Variants in INPPL1 observed in about 807,000 individuals in gnomAD.
INPPL1 encodes the protein phosphatidylinositol 3,4,5-trisphosphate 5-phosphatase 2.
In INPPL1, 91 loss-of-function variants were observed where a neutral mutation model predicts 139.3. That is an observed-to-expected ratio of 0.65 (90% CI 0.55 to 0.78). The LOEUF (loss-of-function observed/expected upper bound fraction) is 0.78. INPPL1 is among the 30% of genes least tolerant of loss of function. The pLI is 0.00. For missense variants in INPPL1, 1,411 were observed against 1,665.6 expected, an observed-to-expected ratio of 0.85 and a Z score of 2.66; for synonymous variants, 719 against 686.6, an observed-to-expected ratio of 1.05 and a Z score of -0.74.
intron 5 of INPPL1, 97 bp downstream of exon 5, chr11:72,229,327 A>T (rs1158573316): frequency 1.3e-5 from 18 of 1,428,652 alleles, no homozygotes; most frequent in Non-Finnish European, 1.6e-5. Flanking sequence ...CTGATCCTGA[A>T]CAGTGAACTA....
Position 72,234,223 on chromosome 11 carries a change from C to A in INPPL1, c.2213-58C>A. On this transcript the variant is annotated intron_variant, in intron 19 of 27. Transcript: ENST00000298229. The surrounding 1 kb of genome is among the most constrained non-coding windows in gnomAD (Gnocchi z 4.2). ...CTGTCCCAGGGCCCTGTTTCTCTGT[C>A]CCATTCCTCCTGTGATCCTCTCAGT... 1 of 1,333,492 alleles carries A rather than the reference C, an allele frequency of 7.5e-7. No individual in the cohort carries two copies. Among genetic ancestry groups the A allele is most frequent in the South Asian group, 1.2e-5 (1 of 84,556 alleles). 82.6% of individuals were successfully genotyped at this position (1,333,492 alleles called of 1,614,324 possible).
At chr11:72,233,393 C>A in intron 17 of INPPL1, 48 bp from the exon 18 acceptor site, 1 of 1,540,226 alleles carries the variant, frequency 6.5e-7, no homozygotes, top group South Asian at 1.1e-5. Flanking sequence ...CCATGCCAAG[C>A]AGCCTCCTAG....
In INPPL1 at chr11:72,235,468, G is replaced by C. The variant is rs1591284596; in HGVS notation, c.2659+17G>C. On this transcript the variant is annotated intron_variant, in intron 23 of 27. Coordinates refer to ENST00000298229, the MANE Select transcript of INPPL1 (RefSeq NM_001567.4). This position sits in a 1 kb window ranked among gnomAD's most constrained non-coding sequence, Gnocchi z 4.9. ...GGCTCTACGGTGGGGACTCCACTGG[G>C]ACATGAGATAGGGTGGTGTGAACAG... The C allele has an allele frequency of 6.2e-7, 1 of 1,609,310 alleles. No homozygotes were observed. The highest frequency in any genetic ancestry group is 1.7e-5 in the Admixed American group (1 of 59,344).
At position 72,237,390 on chromosome 11, in the gene INPPL1, C is replaced by A; in HGVS notation, c.3146C>A (p.Pro1049His). 1.2e-6 allele frequency: 2 copies of A among 1,613,634 alleles called. No homozygotes were observed. The highest frequency in any genetic ancestry group is 1.1e-5 in the South Asian group (1 of 91,078). ...GATGAGGAGTCTGGAGGCACACTGC[C>A]CCCTCCAGACTTTCCACCTCCACCA... ...SSDEESGGTLPPPDFPPPPLP... is the reference protein window; with the variant it reads ...SSDEESGGTLHPPDFPPPPLP... The change falls in exon 26 of 28, where the codon CCC becomes CAC. Residue 1049 changes from proline to histidine, a missense_variant. This residue lies in a region of INPPL1 where 438 missense variants were observed against 425.7 expected (regional missense o/e 1.03). Coordinates refer to ENST00000298229, the MANE Select transcript of INPPL1 (RefSeq NM_001567.4).
intron 6 of INPPL1, 30 bp downstream of exon 6, chr11:72,229,588 C>T (rs367992744): frequency 5.0e-6 from 8 of 1,611,834 alleles, no homozygotes; most frequent in Non-Finnish European, 5.9e-6. Context: ...CTGGGAGGTG[C>T]GTTCGTGTTC....
At position 72,232,684 on chromosome 11, in the gene INPPL1, A is replaced by G. The variant is rs1318448317; in HGVS notation, c.1771A>G (p.Asn591Asp). ...RLLSLGDRQL[N>D]AFDISLRFTH... ...GCTCTCGCTGGGCGACCGGCAGCTCAATGCCTTTGACATCTCTCTGCGTTT... is the reference window on the plus strand; with the variant it reads ...GCTCTCGCTGGGCGACCGGCAGCTCGATGCCTTTGACATCTCTCTGCGTTT... Residue 591 changes from asparagine to aspartate, a missense_variant, in exon 15 of 28, where the codon AAT becomes GAT. By Grantham distance (23) the Asn-to-Asp change is conservative. Around this residue, in one of 5 missense-constraint regions of INPPL1, gnomAD observed 363 missense variants for 446.2 expected, o/e 0.81. Transcript: ENST00000298229. 6.2e-7 allele frequency: 1 copy of G among 1,613,852 alleles called. No individual in the cohort carries two copies. The highest frequency in any genetic ancestry group is 8.5e-7 in the Non-Finnish European group (1 of 1,179,984).
chr11:72,228,151 G>A lies in INPPL1; in HGVS notation c.183-39G>A, dbSNP rs189162311. On this transcript the variant is annotated intron_variant, in intron 1 of 27. Coordinates refer to ENST00000298229, the MANE Select transcript of INPPL1 (RefSeq NM_001567.4). This position sits in a 1 kb window ranked among gnomAD's most constrained non-coding sequence, Gnocchi z 5.0. ...GGGGTGCTTTGGGTCTTAGACCCCA[G>A]CCTGGGGGTGACAGATTCTGGCCCT... 55 of 1,611,498 alleles carry A rather than the reference G, an allele frequency of 3.4e-5. No individual in the cohort carries two copies. The African/African-American group carries it at 6.4e-4, about 19-fold the overall frequency.
intron 1 of INPPL1, 187 bp downstream of exon 1, chr11:72,225,353 G>A (rs1219647320): frequency 3.0e-6 from 3 of 985,458 alleles, no homozygotes; most frequent in Non-Finnish European, 3.6e-6. Flanking sequence ...CCTGCTGTGT[G>A]TCTGGGGGCA....
In INPPL1 at chr11:72,235,624, T is replaced by G; in HGVS notation, c.2660-51T>G. 1 of 1,606,606 alleles carries G rather than the reference T, an allele frequency of 6.2e-7. No individual in the cohort carries two copies. The highest frequency in any genetic ancestry group is 8.5e-7 in the Non-Finnish European group (1 of 1,174,308). ...GGCTGGCAGGCCCACTGGGTGTCTG[T>G]GGGATCCAGGAGCCCAGGTCTCCTC... On this transcript the variant is annotated intron_variant, in intron 23 of 27. Coordinates refer to ENST00000298229, the MANE Select transcript of INPPL1 (RefSeq NM_001567.4). The surrounding 1 kb of genome is among the most constrained non-coding windows in gnomAD (Gnocchi z 4.9).
Position 72,230,406 on chromosome 11 carries a change from G to A in INPPL1, c.1135G>A (p.Val379Ile). ...KSQRVQNKLG[V>I]VFEKEKDRTQ... ...CCAGCGTGTCCAGAACAAGCTGGGT[G>A]TTGTGTTTGAGAAGGAGAAGGACCG... The change falls in exon 10 of 28, where the codon GTT (valine) becomes ATT (isoleucine). Residue 379 changes from valine to isoleucine, a missense_variant. By Grantham distance (29) the Val-to-Ile change is conservative. Around this residue, in one of 5 missense-constraint regions of INPPL1, gnomAD observed 504 missense variants for 595.6 expected, o/e 0.85. Transcript: ENST00000298229. 5 of 1,614,170 alleles carry A rather than the reference G, an allele frequency of 3.1e-6. No homozygotes were observed. The highest frequency in any genetic ancestry group is 4.2e-6 in the Non-Finnish European group (5 of 1,180,044).
intron 17 of INPPL1, 96 bp downstream of exon 17, chr11:72,233,259 C>A (rs958854761): frequency 1.7e-6 from 2 of 1,170,848 alleles, no homozygotes; most frequent in Non-Finnish European, 2.5e-6. Flanking sequence ...GCTTCCACTC[C>A]AGCCTCCATG....
Position 72,233,534 on chromosome 11 carries a change from C to A in INPPL1, c.2122+12C>A. The stretch of plus-strand genomic sequence containing the variant: ...CTGCAATTCTTATGGTCAGAGCCTC[C>A]CGGACAGAGTGATGGGAGATCTGGG... On this transcript the variant is annotated intron_variant, in intron 18 of 27. Transcript: ENST00000298229. The A allele has an allele frequency of 6.2e-7, 1 of 1,613,404 alleles. No individual in the cohort carries two copies. The highest frequency in any genetic ancestry group is 8.5e-7 in the Non-Finnish European group (1 of 1,179,332).
intron 10 of INPPL1, 54 bp downstream of exon 10, chr11:72,230,522 G>GA: frequency 6.6e-7 from 1 of 1,517,274 alleles, no homozygotes; most frequent in Non-Finnish European, 9.1e-7. Context: ...CCCCACATGG[G>GA]TGCTTCCCAT....
At position 72,232,237 on chromosome 11, in the gene INPPL1, CAG is replaced by C. The variant is rs1459005551; in HGVS notation, c.1616-2_1616-1del. The stretch of plus-strand genomic sequence containing the variant: ...GGCCTTCCTCTCTTGCTTGCCTTAA[CAG>C]GGAACAAGGGGGCTGTGGGCGTCTC... On this transcript the variant is annotated splice_acceptor_variant, in intron 13 of 27. Transcript: ENST00000298229. LOFTEE classifies it high-confidence loss of function. 1.9e-6 allele frequency: 3 copies of C among 1,553,698 alleles called. No homozygotes were observed. The highest frequency in any genetic ancestry group is 2.6e-6 in the Non-Finnish European group (3 of 1,147,816).
chr11:72,231,090 C>A lies in INPPL1; in HGVS notation c.1398C>A (p.Ile466=), dbSNP rs1555076407. 8 of 1,614,072 alleles carry A rather than the reference C, an allele frequency of 5.0e-6. No individual in the cohort carries two copies. In the East Asian group the frequency reaches 1.6e-4, roughly 31 times the overall value. ...TCACAGTGACCATACCCCATGACAT[C>A]TATGTCTTTGGGACCCAGGAGAACT... is the stretch of plus-strand genomic sequence containing the variant. The part of the protein sequence containing the change: ...DEVTVTIPHD[I]YVFGTQENSV... Residue 466 remains isoleucine, a synonymous_variant, in exon 12 of 28, where the codon ATC becomes ATA. Coordinates refer to ENST00000298229, the MANE Select transcript of INPPL1 (RefSeq NM_001567.4).
chr11:72,232,177 G>C, intron 13 of INPPL1, 63 bp from the exon 14 acceptor site: 1 of 1,306,878 alleles, frequency 7.7e-7, no homozygotes, highest in South Asian at 1.3e-5. Context: ...TTGAGAGGCA[G>C]AAGGGAGAGT....
In INPPL1 at chr11:72,237,472, G is replaced by T. The variant is rs1214869660; in HGVS notation, c.3228G>T (p.Val1076=). Reference sequence around the variant, plus strand: ...GCCTGGATCCTTTACCAGGGCCAGTGGTCCGGGGCCGTGGTGGGGCTGAGG... The same window carrying T: ...GCCTGGATCCTTTACCAGGGCCAGTTGTCCGGGGCCGTGGTGGGGCTGAGG... ...PPSLDPLPGP[V]VRGRGGAEAR... The change falls in exon 26 of 28, where the codon GTG becomes GTT. Residue 1076 remains valine (V), a synonymous_variant. Coordinates refer to ENST00000298229, the MANE Select transcript of INPPL1 (RefSeq NM_001567.4). The T allele has an allele frequency of 1.2e-6, 2 of 1,609,916 alleles. No homozygotes were observed. The highest frequency in any genetic ancestry group is 1.7e-6 in the Non-Finnish European group (2 of 1,177,530).
At chr11:72,236,208 C>G (rs1948986798) in intron 25 of INPPL1, among the ~76,000 whole-genome samples, 1 of 152,248 alleles carries the variant, frequency 6.6e-6, no homozygotes, top group Non-Finnish European at 1.5e-5. Context: ...TCAATTCTGC[C>G]TTTAAAAATG....
At chr11:72,227,843 C>T (rs954297509) in intron 1 of INPPL1, 4 of 362,068 alleles carry the variant, frequency 1.1e-5, no homozygotes, top group Admixed American at 4.0e-5. Flanking sequence ...CTTACTCTGG[C>T]GGGGAGCCCA....
Sources: gnomAD v4.1 joint callset for allele counts (sites outside exome capture counted in the v4.1 genomes callset) on GRCh38, gnomAD v4.1.1 for gene constraint, gnomAD v4.1.1 regional missense constraint, Gnocchi (gnomAD v3.1) non-coding constraint, MANE v1.5 for transcripts, NCBI Gene and HGNC (gene_info 2026-07-23, HGNC 2026-07-21) for gene names.